CHSY3: variants seen among roughly 807,000 people sequenced by gnomAD.
CHSY3 encodes the protein chondroitin sulfate synthase 3.
In CHSY3, 35 loss-of-function variants were observed where a neutral mutation model predicts 67.2. That is an observed-to-expected ratio of 0.52 (90% confidence interval 0.40 to 0.69). The LOEUF (loss-of-function observed/expected upper bound fraction) is 0.69, where lower values mean the gene tolerates loss of function less well. Ranked by LOEUF, CHSY3 falls within the 30% of genes least tolerant of loss-of-function variation. CHSY3 has a pLI of 0.00. For synonymous variants in CHSY3, 474 were observed against 434.7 expected, an observed-to-expected ratio of 1.09 and a Z score of -1.12; for missense variants, 1,069 against 1,138.5, an observed-to-expected ratio of 0.94 and a Z score of 0.88.
chr5:129,982,359 T>C (rs1763045229), intron 2 of CHSY3, among the ~76,000 whole-genome samples: 1 of 152,052 alleles, frequency 6.6e-6, no homozygotes, highest in African/African-American at 2.4e-5. Context: ...TTCCTTATAA[T>C]TGCAAATTTT....
intron 2 of CHSY3, among the ~76,000 whole-genome samples, chr5:129,962,603 C>CCTGCATG (rs1762363586): frequency 6.6e-6 from 1 of 151,984 alleles, no homozygotes; most frequent in Non-Finnish European, 1.5e-5. Flanking sequence ...CCCATGAGAT[C>CCTGCATG]CTGCATGGTC....
chr5:130,166,506 A>T (rs1324077237), intron 2 of CHSY3, among the ~76,000 whole-genome samples: 1 of 152,154 alleles, frequency 6.6e-6, no homozygotes, highest in Non-Finnish European at 1.5e-5. Flanking sequence ...AAGTGACTCA[A>T]GTCCTTGTAT....
intron 2 of CHSY3, among the ~76,000 whole-genome samples, chr5:129,933,722 C>A (rs1038460260): frequency 2.6e-5 from 4 of 151,988 alleles, no homozygotes; most frequent in Non-Finnish European, 4.4e-5. Flanking sequence ...TTTATATAAC[C>A]CTACACTCAT....
At chr5:130,080,744 T>G (rs1393358281) in intron 2 of CHSY3, among the ~76,000 whole-genome samples, 1 of 152,100 alleles carries the variant, frequency 6.6e-6, no homozygotes, top group Admixed American at 6.6e-5. Flanking sequence ...TGTGTGATCA[T>G]AGTCAATCTT....
At chr5:130,168,568 G>T (rs1769813692) in intron 2 of CHSY3, among the ~76,000 whole-genome samples, 1 of 152,084 alleles carries the variant, frequency 6.6e-6, no homozygotes, top group South Asian at 2.1e-4. Context: ...TTAACTTAAA[G>T]AAACATTTAG....
At chr5:129,905,771 C>A in intron 1 of CHSY3, 140 bp downstream of exon 1, 1 of 1,462,864 alleles carries the variant, frequency 6.8e-7, no homozygotes, top group Non-Finnish European at 9.0e-7. Flanking sequence ...GGCCCGCCCT[C>A]CCCACCCCTT....
In CHSY3 at chr5:129,948,969, C is replaced by A. The variant is rs116058394; in HGVS notation, c.1086+40609C>A. ...TATAGTGGTTGGGCTAGTTTACATT[C>A]CCACCCGGAGATTGCAAAGGTTTTC... On this transcript the variant is annotated intron_variant, in intron 2 of 2. Coordinates refer to ENST00000305031, the MANE Select transcript of CHSY3 (RefSeq NM_175856.5). Among the ~76,000 whole-genome samples the A allele has an allele frequency of 9.9e-3, 1,511 of 152,198 alleles. 24 individuals carry two copies. Among genetic ancestry groups the A allele is most frequent in the African/African-American group, 0.034 (1,426 of 41,524 alleles).
chr5:129,953,824 T>C (rs1417773201), intron 2 of CHSY3, among the ~76,000 whole-genome samples: 1 of 152,014 alleles, frequency 6.6e-6, no homozygotes, highest in Admixed American at 6.6e-5. Flanking sequence ...TTTGATGGGG[T>C]TGTTTGTTTT....
chr5:130,086,416 G>C (rs891705327), intron 2 of CHSY3, among the ~76,000 whole-genome samples: 4 of 151,854 alleles, frequency 2.6e-5, no homozygotes, highest in African/African-American at 9.7e-5. Flanking sequence ...TGTTTTATCA[G>C]AGACTAGGAT....
intron 2 of CHSY3, among the ~76,000 whole-genome samples, chr5:130,125,304 C>G (rs1370972006): frequency 6.6e-6 from 1 of 152,062 alleles, no homozygotes; most frequent in East Asian, 1.9e-4. Flanking sequence ...GTAGTCCCAG[C>G]CACTCAGGAG....
intron 2 of CHSY3, among the ~76,000 whole-genome samples, chr5:129,922,368 G>T (rs1760953754): frequency 6.6e-6 from 1 of 152,216 alleles, no homozygotes; most frequent in Non-Finnish European, 1.5e-5. Flanking sequence ...GAAAATGCTG[G>T]AACATGTGGT....
intron 2 of CHSY3, among the ~76,000 whole-genome samples, chr5:130,168,314 T>C (rs1769806347): frequency 6.6e-6 from 1 of 152,110 alleles, no homozygotes; most frequent in Admixed American, 6.6e-5. Context: ...CAGTTTAGAC[T>C]CCTACAGTCG....
upstream of CHSY3, among the ~76,000 whole-genome samples, chr5:129,904,076 G>A (rs1246488782): frequency 6.6e-6 from 1 of 152,054 alleles, no homozygotes; most frequent in Non-Finnish European, 1.5e-5. Flanking sequence ...TGAGGTCAGC[G>A]GAGCCTAGGC....
intron 2 of CHSY3, among the ~76,000 whole-genome samples, chr5:130,137,067 C>T (rs2149716855): frequency 6.6e-6 from 1 of 152,238 alleles, no homozygotes; most frequent in Middle Eastern, 3.4e-3. Flanking sequence ...ATATAAATCT[C>T]TAGTCTTCAG....
chr5:130,143,228 T>G (rs1210043512), intron 2 of CHSY3, among the ~76,000 whole-genome samples: 1 of 152,144 alleles, frequency 6.6e-6, no homozygotes, highest in South Asian at 2.1e-4. Context: ...ACAACTTGTC[T>G]AATAGAAGTA....
chr5:130,178,038 G>T (rs1191697572), intron 2 of CHSY3, among the ~76,000 whole-genome samples: 1 of 149,338 alleles, frequency 6.7e-6, no homozygotes, highest in Admixed American at 6.7e-5. Flanking sequence ...TTTAATTTTG[G>T]TGCATTTTAT....
At chr5:129,982,593 AC>A (rs1430746881) in intron 2 of CHSY3, among the ~76,000 whole-genome samples, 3 of 152,088 alleles carry the variant, frequency 2.0e-5, no homozygotes, top group Non-Finnish European at 4.4e-5. Context: ...AAGAACAGGT[AC>A]TATATTTAAT....
intron 2 of CHSY3, among the ~76,000 whole-genome samples, chr5:129,976,740 G>A (rs939673186): frequency 1.3e-5 from 2 of 151,778 alleles, no homozygotes; most frequent in South Asian, 2.1e-4. Flanking sequence ...TCATGATGAA[G>A]AAAACTCTAG....
intron 2 of CHSY3, among the ~76,000 whole-genome samples, chr5:130,002,651 A>G (rs544468232): frequency 6.6e-6 from 1 of 152,310 alleles, no homozygotes; most frequent in South Asian, 2.1e-4. Context: ...GAAGCTAGAG[A>G]CATAAATATT....
Sources: gnomAD v4.1 joint callset for allele counts (sites outside exome capture counted in the v4.1 genomes callset) on GRCh38, gnomAD v4.1.1 for gene constraint, MANE v1.5 for transcripts, NCBI Gene and HGNC (gene_info 2026-07-23, HGNC 2026-07-21) for gene names.